The following PEAR1 variants were observed in gnomAD, a reference collection of about 807,000 sequenced individuals.
The protein encoded by PEAR1 is platelet endothelial aggregation receptor 1, also known as multiple EGF-like domains protein 12.
In PEAR1, 113 loss-of-function variants were observed where a neutral mutation model predicts 131.2. That is an observed-to-expected ratio of 0.86 (90% CI 0.74 to 1.01). PEAR1 has a LOEUF of 1.01. Ranked by LOEUF, PEAR1 falls within the 50% of genes least tolerant of loss-of-function variation. The probability of loss-of-function intolerance (pLI) is 0.00; values close to 1 mark genes in which losing one functional copy is unlikely to be tolerated. For missense variants in PEAR1, 1,408 were observed against 1,391.1 expected, an observed-to-expected ratio of 1.01 and a Z score of -0.19; for synonymous variants, 565 against 523.3, an observed-to-expected ratio of 1.08 and a Z score of -1.09.
At chr1:156,901,110 C>T (rs1649636261) in intron 1 of PEAR1, among the ~76,000 whole-genome samples, 1 of 152,224 alleles carries the variant, frequency 6.6e-6, no homozygotes, top group Non-Finnish European at 1.5e-5. Flanking sequence ...TCATCTGTCC[C>T]CTCCCGGGGC....
At chr1:156,909,981 A>G (rs780501711) in intron 12 of PEAR1, 25 bp from the exon 13 acceptor site, 1 of 1,613,066 alleles carries the variant, frequency 6.2e-7, no homozygotes, top group Admixed American at 1.7e-5. Flanking sequence ...TGACTGGCCT[A>G]CCTGCTCCCC....
intron 3 of PEAR1, 125 bp from the exon 4 acceptor site, chr1:156,905,199 T>G: frequency 8.8e-7 from 1 of 1,136,112 alleles, no homozygotes; most frequent in Non-Finnish European, 1.3e-6. Context: ...AAACAGGGAA[T>G]GCGCTTTCTA....
Position 156,902,929 on chromosome 1 carries a change from G to A in PEAR1, c.-9-989G>A, listed in dbSNP as rs1350828152. On this transcript the variant is annotated intron_variant, in intron 1 of 22. Transcript: ENST00000292357. The surrounding 1 kb of genome is among the most constrained non-coding windows in gnomAD (Gnocchi z 4.3). ...GCTGACAGGGCAGTCTGAGGGAGGCGGGAGCTTTTCCTTAAATGCAAGGCC... is the reference window on the plus strand; with the variant it reads ...GCTGACAGGGCAGTCTGAGGGAGGCAGGAGCTTTTCCTTAAATGCAAGGCC... Among the ~76,000 whole-genome samples, 1 of 152,060 alleles carries A rather than the reference G, an allele frequency of 6.6e-6. No individual in the cohort carries two copies. Among genetic ancestry groups the A allele is most frequent in the African/African-American group, 2.4e-5 (1 of 41,388 alleles).
chr1:156,914,573 T>C (rs749256), intron 22 of PEAR1, 74 bp from the exon 23 acceptor site: 1,115,583 of 1,431,256 alleles, frequency 0.78, 438,989 homozygotes, highest in East Asian at 1. Flanking sequence ...AGGAGAGGAG[T>C]GCAGTGGGAG....
At chr1:156,898,689 GAGAC>G (rs1225609062) in intron 1 of PEAR1, among the ~76,000 whole-genome samples, 2 of 152,216 alleles carry the variant, frequency 1.3e-5, no homozygotes, top group African/African-American at 4.8e-5. Context: ...CAGAGACAGG[GAGAC>G]AGACAGAAAG....
intron 1 of PEAR1, among the ~76,000 whole-genome samples, chr1:156,895,338 A>T (rs886113028): frequency 2.0e-5 from 3 of 152,340 alleles, no homozygotes; most frequent in Admixed American, 1.3e-4. Context: ...CACCCGACAC[A>T]CACTGCTGGG....
At chr1:156,909,643 C>G (rs976374350) in intron 11 of PEAR1, 108 bp from the exon 12 acceptor site, 11 of 1,285,426 alleles carry the variant, frequency 8.6e-6, no homozygotes, top group African/African-American at 4.5e-5. Context: ...GAACACCCCC[C>G]ACCCACCCCA....
At chr1:156,904,643 GGCT>G in intron 2 of PEAR1, 102 bp from the exon 3 acceptor site, 1 of 1,149,558 alleles carries the variant, frequency 8.7e-7, no homozygotes, top group Admixed American at 2.3e-5. Context: ...CCCAGCGTTG[GGCT>G]GTGGATTCCC....
chr1:156,909,845 C>G lies in PEAR1; in HGVS notation c.1506C>G (p.Cys502Trp). The change falls in exon 12 of 23, where the codon TGC (cysteine) becomes TGG (tryptophan). Residue 502 changes from cysteine to tryptophan, a missense_variant. Physicochemically the swap from Cys to Trp is radical, Grantham distance 215. Coordinates refer to ENST00000292357, the MANE Select transcript of PEAR1 (RefSeq NM_001080471.3). The stretch of plus-strand genomic sequence containing the variant: ...GCCAGTGTGCCCATGAGGCAGTCTG[C>G]AGCCCCCAAACTGGAGCCTGTACCT... ...ASCQCAHEAV[C>W]SPQTGACTCT... 6.2e-7 allele frequency: 1 copy of G among 1,613,882 alleles called. No homozygotes were observed. The highest frequency in any genetic ancestry group is 1.1e-5 in the South Asian group (1 of 91,066).
intron 1 of PEAR1, among the ~76,000 whole-genome samples, chr1:156,894,824 G>C (rs998459): frequency 0.14 from 21,850 of 152,236 alleles, 1,715 homozygotes; most frequent in East Asian, 0.34. Flanking sequence ...CTCAGCCAGG[G>C]CTCAGCTCGG....
rs1650937974 is a variant in PEAR1, at chr1:156,910,494, GTCTCTT to G, written c.1825+115_1826-118del. ...GCCCACCTCTCCCACCTTACCCCCG[GTCTCTT>G]CCTCTGACCCGTCTTCAGACTAGTT... On this transcript the variant is annotated intron_variant, in intron 14 of 22. Transcript: ENST00000292357. The G allele has an allele frequency of 2.6e-6, 4 of 1,547,028 alleles. No homozygotes were observed. In the Admixed American group the frequency reaches 7.3e-5, roughly 28 times the overall value.
chr1:156,898,242 A>T (rs1280961581), intron 1 of PEAR1, among the ~76,000 whole-genome samples: 1 of 152,100 alleles, frequency 6.6e-6, no homozygotes, highest in African/African-American at 2.4e-5. Context: ...GGGGTGCGAT[A>T]GATGTGTGAA....
rs1302315127 is a variant in PEAR1 at position 156,908,072 on chromosome 1, G to A, written c.902+21G>A. The stretch of plus-strand genomic sequence containing the variant: ...GATCGGTGAGTGGCGTGGGGCGGGC[G>A]GGAGACGGGAGGGAGGAGGTGGGGC... On this transcript the variant is annotated intron_variant, in intron 8 of 22. Transcript: ENST00000292357. This position sits in a 1 kb window ranked among gnomAD's most constrained non-coding sequence, Gnocchi z 4.2. The A allele has an allele frequency of 4.5e-6, 7 of 1,569,392 alleles. No homozygotes were observed. The highest frequency in any genetic ancestry group is 1.4e-5 in the African/African-American group (1 of 73,718).
At chr1:156,910,466 G>T in intron 14 of PEAR1, 86 bp downstream of exon 14, 2 of 1,537,358 alleles carry the variant, frequency 1.3e-6, no homozygotes, top group Non-Finnish European at 1.8e-6. Context: ...CCCCGCGCCC[G>T]CCGCCCACCT....
At chr1:156,905,163 G>T (rs1269481168) in intron 3 of PEAR1, among the ~76,000 whole-genome samples, 161 bp from the exon 4 acceptor site, 3 of 152,098 alleles carry the variant, frequency 2.0e-5, no homozygotes, top group African/African-American at 4.8e-5. Context: ...GAGTGCAGTG[G>T]CGAGATCGTA....
chr1:156,910,597 C>A (rs1650950730), intron 14 of PEAR1, 21 bp from the exon 15 acceptor site: 1 of 1,612,810 alleles, frequency 6.2e-7, no homozygotes, highest in East Asian at 2.2e-5. Flanking sequence ...CCCCCAATCA[C>A]CATGTACCCC....
At position 156,902,994 on chromosome 1, in the gene PEAR1, G is replaced by A. The variant is rs1003852689; in HGVS notation, c.-9-924G>A. 5.3e-5 allele frequency among the ~76,000 whole-genome samples: 8 copies of A among 152,148 alleles called. No individual in the cohort carries two copies. The highest frequency in any genetic ancestry group is 8.8e-5 in the Non-Finnish European group (6 of 68,028). On this transcript the variant is annotated intron_variant, in intron 1 of 22. Transcript: ENST00000292357. This position sits in a 1 kb window ranked among gnomAD's most constrained non-coding sequence, Gnocchi z 4.3. ...TTCAGGTGATGGCACCTAGAGTTGG[G>A]TGTTGTGGTGTGCTGGCTAAGGTGT...
chr1:156,898,398 C>A (rs1292016697), intron 1 of PEAR1, among the ~76,000 whole-genome samples: 2 of 152,208 alleles, frequency 1.3e-5, no homozygotes, highest in Non-Finnish European at 2.9e-5. Context: ...CGCACTCTGG[C>A]CGCATACGCA....
At position 156,909,805 on chromosome 1, in the gene PEAR1, G is replaced by T; in HGVS notation, c.1466G>T (p.Ser489Ile). 7 of 1,614,024 alleles carry T rather than the reference G, an allele frequency of 4.3e-6. No individual in the cohort carries two copies. The highest frequency in any genetic ancestry group is 1.1e-5 in the South Asian group (1 of 91,076). The change falls in exon 12 of 23, where the codon AGT becomes ATT. Residue 489 changes from serine (S) to isoleucine (I), a missense_variant. By Grantham distance (142) the Ser-to-Ile change is moderately radical. Coordinates refer to ENST00000292357, the MANE Select transcript of PEAR1 (RefSeq NM_001080471.3). ...TGCCCACCCGGAACCTGGGGCTTCA[G>T]TTGCAATGCCAGCTGCCAGTGTGCC... is the stretch of plus-strand genomic sequence containing the variant. Reference protein sequence around the residue: ...VPCPPGTWGFSCNASCQCAHE... With the variant: ...VPCPPGTWGFICNASCQCAHE...
Sources: gnomAD v4.1 joint callset for allele counts (sites outside exome capture counted in the v4.1 genomes callset) on GRCh38, gnomAD v4.1.1 for gene constraint, Gnocchi (gnomAD v3.1) non-coding constraint, MANE v1.5 for transcripts, NCBI Gene and HGNC (gene_info 2026-07-23, HGNC 2026-07-21) for gene names.